Variants in RALGPS1 observed in about 807,000 individuals in gnomAD.
The protein encoded by RALGPS1 is Ral GEF with PH domain and SH3 binding motif 1.
RALGPS1 carries 19 observed loss-of-function variants against 78.8 expected under a neutral mutation model. The observed-to-expected ratio is 0.24, with a 90% CI of 0.17 to 0.35. The LOEUF is 0.35. Ranked by LOEUF, RALGPS1 falls within the 10% of genes least tolerant of loss-of-function variation. The pLI is 1.00. For synonymous variants in RALGPS1, 228 were observed against 256.3 expected (o/e 0.89, Z 1.06); for missense variants, 454 against 688.3 (o/e 0.66, Z 3.81).
intron 8 of RALGPS1, among the ~76,000 whole-genome samples, chr9:127,078,243 C>G (rs2050853243): frequency 1.3e-5 from 2 of 152,304 alleles, no homozygotes; most frequent in South Asian, 4.1e-4. Context: ...TGTTTCAAAT[C>G]TCTCCCTTCC....
At chr9:127,147,656 T>G (rs1001748398) in intron 8 of RALGPS1, among the ~76,000 whole-genome samples, 1 of 152,222 alleles carries the variant, frequency 6.6e-6, no homozygotes, top group African/African-American at 2.4e-5. Context: ...ATTGCTTGTT[T>G]TTGTCAGCCG....
chr9:127,096,942 C>T, intron 8 of RALGPS1, among the ~76,000 whole-genome samples: 1 of 152,176 alleles, frequency 6.6e-6, no homozygotes, highest in East Asian at 1.9e-4. Flanking sequence ...AGAGGAGCCC[C>T]TCAAGGTTAC....
intron 4 of RALGPS1, among the ~76,000 whole-genome samples, chr9:127,024,117 A>AGGTT (rs1425263283): frequency 1.3e-5 from 2 of 151,436 alleles, no homozygotes; most frequent in African/African-American, 2.4e-5. Flanking sequence ...TGACACTGAT[A>AGGTT]GGTTATAAGT....
At chr9:127,196,962 T>G (rs1309495342) in intron 13 of RALGPS1, among the ~76,000 whole-genome samples, 1 of 152,102 alleles carries the variant, frequency 6.6e-6, no homozygotes, top group Admixed American at 6.5e-5. Flanking sequence ...TGGACCACAG[T>G]CAGGCTTCTG....
In RALGPS1 at chr9:127,200,533, A is replaced by G. The variant is rs145919008; in HGVS notation, c.1247+1467A>G. On this transcript the variant is annotated intron_variant, in intron 14 of 18. Coordinates refer to ENST00000259351, the MANE Select transcript of RALGPS1 (RefSeq NM_014636.3). ...TTCATCACTGCTCCACAGCTTGGCC[A>G]GATACGGGGACTGTCCCATATTGGT... is the stretch of plus-strand genomic sequence containing the variant. 2.7e-3 allele frequency among the ~76,000 whole-genome samples: 411 copies of G among 152,344 alleles called. 5 individuals carry two copies. The highest frequency in any genetic ancestry group is 9.5e-3 in the African/African-American group (395 of 41,574).
chr9:127,185,314 C>A (rs1334376755), intron 11 of RALGPS1, among the ~76,000 whole-genome samples: 1 of 152,258 alleles, frequency 6.6e-6, no homozygotes, highest in African/African-American at 2.4e-5. Context: ...TCTCTGTCAA[C>A]CCGAGTCTGT....
At chr9:127,003,783 G>A (rs537363148) in intron 4 of RALGPS1, among the ~76,000 whole-genome samples, 1 of 152,100 alleles carries the variant, frequency 6.6e-6, no homozygotes, top group East Asian at 1.9e-4. Flanking sequence ...GGTAATGTGT[G>A]CCATGGTGGT....
intron 2 of RALGPS1, among the ~76,000 whole-genome samples, chr9:126,963,014 G>C (rs1012371565): frequency 2.6e-5 from 4 of 152,214 alleles, no homozygotes; most frequent in Non-Finnish European, 5.9e-5. Flanking sequence ...AAAAGTCACA[G>C]GAATCAGTTA....
chr9:126,970,043 C>A (rs1402511682), intron 3 of RALGPS1, among the ~76,000 whole-genome samples: 1 of 152,102 alleles, frequency 6.6e-6, no homozygotes, highest in Non-Finnish European at 1.5e-5. Context: ...AAAACCCAGA[C>A]ATGAAAACCC....
At chr9:127,029,617 C>T (rs1460858628) in intron 4 of RALGPS1, among the ~76,000 whole-genome samples, 3 of 152,202 alleles carry the variant, frequency 2.0e-5, no homozygotes, top group Admixed American at 6.5e-5. Context: ...CATGTGGACA[C>T]GTTTGATGAA....
chr9:127,073,448 GTGTGTGTGTGTGTGTGTC>G (rs1564527252), intron 8 of RALGPS1, among the ~76,000 whole-genome samples: 1 of 134,312 alleles, frequency 7.4e-6, no homozygotes, highest in African/African-American at 3.0e-5. Flanking sequence ...GTACACCATT[GTGTGTGTGTGTGTGTGTC>G]TGTGTGTGTG....
chr9:127,212,494 G>T lies in RALGPS1; in HGVS notation c.1354-133G>T. ...TCCTAGGTGGAAGTTGGCATTGCCA[G>T]GGGGTGGTGGAGGGCCAGGGAAGAG... On this transcript the variant is annotated intron_variant, in intron 15 of 18. Transcript: ENST00000259351. The surrounding 1 kb of genome is among the most constrained non-coding windows in gnomAD (Gnocchi z 6.0). 1 of 686,598 alleles carries T rather than the reference G, an allele frequency of 1.5e-6. No individual in the cohort carries two copies. Among genetic ancestry groups the T allele is most frequent in the Admixed American group, 3.0e-5 (1 of 33,108 alleles). The allele number at this position is 686,598 out of a possible 1,614,324, so 42.5% of individuals were successfully genotyped here.
chr9:126,986,960 C>T (rs1027042997), intron 4 of RALGPS1, among the ~76,000 whole-genome samples: 2 of 152,146 alleles, frequency 1.3e-5, no homozygotes, highest in African/African-American at 2.4e-5. Context: ...AAGAACTTAG[C>T]GCGGTGCCTG....
intron 4 of RALGPS1, among the ~76,000 whole-genome samples, chr9:126,996,598 G>T (rs1412566319): frequency 6.6e-6 from 1 of 152,206 alleles, no homozygotes; most frequent in Admixed American, 6.5e-5. Context: ...AATTCTACCA[G>T]AGGTACAAAG....
intron 8 of RALGPS1, among the ~76,000 whole-genome samples, chr9:127,149,806 C>T (rs1413121269): frequency 6.6e-6 from 1 of 152,346 alleles, no homozygotes; most frequent in Non-Finnish European, 1.5e-5. Context: ...GGGAAACTCA[C>T]CCTACTGTTC....
chr9:127,034,694 G>A (rs907003219), intron 5 of RALGPS1, among the ~76,000 whole-genome samples, 180 bp downstream of exon 5: 7 of 152,252 alleles, frequency 4.6e-5, no homozygotes, highest in East Asian at 1.9e-4. Flanking sequence ...TCACAGAGCA[G>A]GTGGAACTGA....
intron 7 of RALGPS1, among the ~76,000 whole-genome samples, chr9:127,059,248 G>A (rs2049000152): frequency 6.6e-6 from 1 of 152,128 alleles, no homozygotes; most frequent in Non-Finnish European, 1.5e-5. Context: ...TGATAGGCCT[G>A]AGCTGCTTTT....
chr9:127,067,150 T>G (rs2049786212), intron 7 of RALGPS1, among the ~76,000 whole-genome samples: 1 of 152,154 alleles, frequency 6.6e-6, no homozygotes, highest in Non-Finnish European at 1.5e-5. Context: ...TTAGATGAGT[T>G]ATATATTACA....
At chr9:127,073,717 A>G (rs531340628) in intron 8 of RALGPS1, among the ~76,000 whole-genome samples, 20 of 152,242 alleles carry the variant, frequency 1.3e-4, no homozygotes, top group Middle Eastern at 3.4e-3. Context: ...TCCCACCAAC[A>G]GTGTGTAGTT....
Sources: gnomAD v4.1 joint callset for allele counts (sites outside exome capture counted in the v4.1 genomes callset) on GRCh38, gnomAD v4.1.1 for gene constraint, Gnocchi (gnomAD v3.1) non-coding constraint, MANE v1.5 for transcripts, NCBI Gene and HGNC (gene_info 2026-07-23, HGNC 2026-07-21) for gene names.